TJP2: variants seen among roughly 807,000 people sequenced by gnomAD.
The protein encoded by TJP2 is Friedreich ataxia region gene X104 (tight junction protein ZO-2).
In TJP2, 91 loss-of-function variants were observed where a neutral mutation model predicts 133.1. The ratio of observed to expected loss-of-function variants is 0.68; its 90% confidence interval spans 0.58 to 0.81. The LOEUF (loss-of-function observed/expected upper bound fraction) is 0.81. TJP2 is among the 40% of genes least tolerant of loss of function. The pLI is 0.00. For synonymous variants in TJP2, 592 were observed against 583.4 expected (o/e 1.01, Z -0.21); for missense variants, 1,541 against 1,565.6 (o/e 0.98, Z 0.26).
At chr9:69,154,452 C>G (rs1422996089) in intron 2 of TJP2, among the ~76,000 whole-genome samples, 1 of 152,158 alleles carries the variant, frequency 6.6e-6, no homozygotes, top group Admixed American at 6.5e-5. Context: ...GCACTGTTTG[C>G]CTGAGGCTGG....
chr9:69,225,436 T>C (rs1324823717), intron 6 of TJP2, 29 bp downstream of exon 6: 3 of 1,448,252 alleles, frequency 2.1e-6, no homozygotes, highest in Admixed American at 3.4e-5. Context: ...AGAACGGTAG[T>C]GTGCATACTG....
chr9:69,206,743 A>G (rs1037056542), intron 1 of TJP2, among the ~76,000 whole-genome samples: 5 of 151,880 alleles, frequency 3.3e-5, no homozygotes, highest in African/African-American at 1.2e-4. Context: ...ACACCTGGCT[A>G]ATTTTTTGTA....
chr9:69,204,067 G>A (rs1041866535), intron 1 of TJP2, among the ~76,000 whole-genome samples: 1 of 152,158 alleles, frequency 6.6e-6, no homozygotes, highest in African/African-American at 2.4e-5. Flanking sequence ...ATTTCTTGCC[G>A]ACATTGCCCT....
At chr9:69,250,669 C>T (rs1429393266) in intron 20 of TJP2, among the ~76,000 whole-genome samples, 1 of 152,184 alleles carries the variant, frequency 6.6e-6, no homozygotes, top group Non-Finnish European at 1.5e-5. Context: ...CAGCAGTGAC[C>T]TCAGAAGCCC....
At chr9:69,208,555 T>C (rs1450512026) in intron 1 of TJP2, among the ~76,000 whole-genome samples, 1 of 152,208 alleles carries the variant, frequency 6.6e-6, no homozygotes, top group Non-Finnish European at 1.5e-5. Flanking sequence ...AATAAAATTT[T>C]GCAGGAACTC....
chr9:69,172,856 A>C (rs958527263), upstream of TJP2, among the ~76,000 whole-genome samples: 20 of 152,152 alleles, frequency 1.3e-4, no homozygotes, highest in Non-Finnish European at 1.5e-4. Flanking sequence ...TACAGGCATG[A>C]GCCACCGTGC....
upstream of TJP2, among the ~76,000 whole-genome samples, chr9:69,171,148 G>A (rs926760129): frequency 5.3e-5 from 8 of 152,064 alleles, no homozygotes; most frequent in African/African-American, 1.2e-4. Flanking sequence ...AAAAGCCACC[G>A]TCATCTCCTT....
chr9:69,137,248 TC>T (rs1378687063), intron 1 of TJP2, among the ~76,000 whole-genome samples: 17 of 21,336 alleles, frequency 8.0e-4, no homozygotes, highest in African/African-American at 3.4e-3. Flanking sequence ...TTTCTCTCTC[TC>T]TTTCTTTCTT....
upstream of TJP2, chr9:69,173,954 C>CGGGGGTGG: frequency 1.0e-6 from 1 of 985,048 alleles, no homozygotes; most frequent in Non-Finnish European, 1.2e-6. Flanking sequence ...ATCGGGCTGG[C>CGGGGGTGG]GGGGGTGGAG....
chr9:69,182,207 T>G (rs1332458687), intron 1 of TJP2, among the ~76,000 whole-genome samples: 1 of 152,252 alleles, frequency 6.6e-6, no homozygotes, highest in Non-Finnish European at 1.5e-5. Context: ...TTTTTCAACG[T>G]CACCTCAGGC....
chr9:69,186,060 G>A (rs1011429093), intron 1 of TJP2, among the ~76,000 whole-genome samples: 3 of 151,974 alleles, frequency 2.0e-5, no homozygotes, highest in East Asian at 1.9e-4. Context: ...GAGCCGCCGC[G>A]CCCGGCCAAT....
At chr9:69,147,363 A>G (rs1823257184) in intron 1 of TJP2, among the ~76,000 whole-genome samples, 1 of 152,210 alleles carries the variant, frequency 6.6e-6, no homozygotes, top group African/African-American at 2.4e-5. Flanking sequence ...GGAAAGGAAT[A>G]TCGCAACTGA....
rs889962676 is a variant in TJP2 at position 69,237,821 on chromosome 9, C to T, written c.2180-57C>T. 1.7e-5 allele frequency: 21 copies of T among 1,248,964 alleles called. No homozygotes were observed. In the Admixed American group the frequency reaches 3.5e-4, roughly 21 times the overall value. 77.4% of individuals were successfully genotyped at this position (1,248,964 alleles called of 1,614,324 possible). On this transcript the variant is annotated intron_variant, in intron 14 of 22. Transcript: ENST00000377245. ...AAAAGCCCATACAATACTTTTACTG[C>T]TTATCATAACAGCTAGGCAAGTGTG...
chr9:69,178,572 A>G (rs1825262947), intron 1 of TJP2, among the ~76,000 whole-genome samples: 1 of 152,252 alleles, frequency 6.6e-6, no homozygotes, highest in African/African-American at 2.4e-5. Flanking sequence ...AGTCAAACAC[A>G]GAATGGCCCA....
intron 4 of TJP2, among the ~76,000 whole-genome samples, chr9:69,220,528 G>A (rs769598078): frequency 1.3e-5 from 2 of 152,084 alleles, no homozygotes; most frequent in Non-Finnish European, 2.9e-5. Flanking sequence ...CTCTTTATCC[G>A]CCTTTGCCCC....
At chr9:69,205,205 T>C (rs946440034) in intron 1 of TJP2, 7 of 1,537,148 alleles carry the variant, frequency 4.6e-6, no homozygotes, top group African/African-American at 4.1e-5. Flanking sequence ...ATCCAGGCTG[T>C]TAAAAAGTTG....
intron 1 of TJP2, chr9:69,151,613 T>C: frequency 8.1e-7 from 1 of 1,231,894 alleles, no homozygotes; most frequent in South Asian, 4.1e-5. Context: ...TTGCAGGGAA[T>C]GAGCATGTTG....
At chr9:69,250,359 C>T (rs1401527694) in intron 20 of TJP2, among the ~76,000 whole-genome samples, 1 of 152,222 alleles carries the variant, frequency 6.6e-6, no homozygotes, top group African/African-American at 2.4e-5. Context: ...CCACTTCGGC[C>T]TCCCACAGTG....
At chr9:69,197,955 T>C (rs1019386183) in intron 1 of TJP2, among the ~76,000 whole-genome samples, 1 of 152,072 alleles carries the variant, frequency 6.6e-6, no homozygotes, top group Non-Finnish European at 1.5e-5. Context: ...GTGAAATGGG[T>C]GATGATGCCA....
Sources: gnomAD v4.1 joint callset for allele counts (sites outside exome capture counted in the v4.1 genomes callset) on GRCh38, gnomAD v4.1.1 for gene constraint, MANE v1.5 for transcripts, NCBI Gene and HGNC (gene_info 2026-07-23, HGNC 2026-07-21) for gene names.